The following ACTR3 variants were observed in gnomAD, a reference collection of about 807,000 sequenced individuals.
ACTR3 encodes the protein actin related protein 3.
ACTR3 carries 12 observed loss-of-function variants against 56.8 expected under a neutral mutation model. The observed-to-expected ratio is 0.21, with a 90% CI of 0.14 to 0.34. ACTR3 has a LOEUF of 0.34. Ranked by LOEUF, ACTR3 falls within the 10% of genes least tolerant of loss-of-function variation. ACTR3 has a pLI of 1.00. For synonymous variants in ACTR3, 162 were observed against 167.4 expected (o/e 0.97, Z 0.25); for missense variants, 282 against 512.5 (o/e 0.55, Z 4.34).
At position 113,959,994 on chromosome 2, in the gene ACTR3, G is replaced by T. The variant is rs535688566; in HGVS notation, c.*2539G>T. ...TAAAGGCATTATACTGGATTATCCTGCAATTTCTTTGAGTTGTTAGAATAT... is the reference window on the plus strand; with the variant it reads ...TAAAGGCATTATACTGGATTATCCTTCAATTTCTTTGAGTTGTTAGAATAT... On this transcript the variant is annotated 3_prime_UTR_variant, in exon 12 of 12. Coordinates refer to ENST00000263238, the MANE Select transcript of ACTR3 (RefSeq NM_005721.5). 6.6e-6 allele frequency: 1 copy of T among 151,944 alleles called. No individual in the cohort carries two copies. Among genetic ancestry groups the T allele is most frequent in the Non-Finnish European group, 1.5e-5 (1 of 67,906 alleles). The allele number at this position is 151,944 out of a possible 1,614,324, so 9.4% of individuals were successfully genotyped here.
At chr2:113,920,858 A>G (rs562787353) in intron 3 of ACTR3, among the ~76,000 whole-genome samples, 1 of 152,280 alleles carries the variant, frequency 6.6e-6, no homozygotes, top group East Asian at 1.9e-4. Flanking sequence ...GTGCATATAT[A>G]CTACACATAT....
intron 1 of ACTR3, among the ~76,000 whole-genome samples, chr2:113,912,593 C>T (rs1679327905): frequency 6.6e-6 from 1 of 152,066 alleles, no homozygotes; most frequent in South Asian, 2.1e-4. Flanking sequence ...CCCCAGTTCC[C>T]TTTTTTGGAG....
chr2:113,934,605 A>C, intron 6 of ACTR3: 1 of 330,150 alleles, frequency 3.0e-6, no homozygotes, highest in East Asian at 5.8e-5. Flanking sequence ...AGAAAATTAC[A>C]AATTGCAATA....
chr2:113,894,896 A>G (rs1678976598), intron 1 of ACTR3, among the ~76,000 whole-genome samples: 1 of 151,454 alleles, frequency 6.6e-6, no homozygotes. Context: ...CACTCCGGGG[A>G]CTCCTGACTG....
chr2:113,957,376 T>C lies in ACTR3; in HGVS notation c.1178T>C (p.Val393Ala). 6.2e-7 allele frequency: 1 copy of C among 1,613,356 alleles called. No homozygotes were observed. Among genetic ancestry groups the C allele is most frequent in the Non-Finnish European group, 8.5e-7 (1 of 1,179,520 alleles). Residue 393 changes from valine (V) to alanine (A), a missense_variant, in exon 12 of 12, where the codon GTA (valine) becomes GCA (alanine). Coordinates refer to ENST00000263238, the MANE Select transcript of ACTR3 (RefSeq NM_005721.5). ...TGTTTTCAGCCTGAGTTCTACCAAG[T>C]ATGCCACACCAAAAAGGATTATGAA... ...MLASTPEFYQ[V>A]CHTKKDYEEI...
intron 4 of ACTR3, among the ~76,000 whole-genome samples, chr2:113,929,378 T>C (rs1679678116): frequency 6.6e-6 from 1 of 152,006 alleles, no homozygotes; most frequent in African/African-American, 2.4e-5. Flanking sequence ...GGGCTCCAAG[T>C]GATCCTCCCG....
chr2:113,908,695 T>A (rs1319728748), intron 1 of ACTR3, among the ~76,000 whole-genome samples: 12 of 152,130 alleles, frequency 7.9e-5, no homozygotes, highest in Non-Finnish European at 1.8e-4. Flanking sequence ...TTGTTTTTTT[T>A]AATTTTCAAA....
chr2:113,899,020 A>G (rs1679055365), intron 1 of ACTR3, among the ~76,000 whole-genome samples: 1 of 152,190 alleles, frequency 6.6e-6, no homozygotes, highest in Admixed American at 6.5e-5. Context: ...TCCAGTTTTT[A>G]AGAGTGTCCA....
chr2:113,914,657 C>T (rs1475585397), intron 2 of ACTR3, among the ~76,000 whole-genome samples: 8 of 149,824 alleles, frequency 5.3e-5, no homozygotes, highest in Admixed American at 5.3e-4. Flanking sequence ...AAGAAATACA[C>T]TTTCAAAATT....
intron 2 of ACTR3, among the ~76,000 whole-genome samples, chr2:113,916,409 A>G (rs1190713582): frequency 6.6e-6 from 1 of 152,198 alleles, no homozygotes; most frequent in Non-Finnish European, 1.5e-5. Flanking sequence ...ACTAGACCAC[A>G]ATAGTAATTA....
At chr2:113,946,331 A>G (rs1680019753) in intron 8 of ACTR3, among the ~76,000 whole-genome samples, 1 of 151,832 alleles carries the variant, frequency 6.6e-6, no homozygotes, top group Non-Finnish European at 1.5e-5. Context: ...TTTTTTAAAA[A>G]TATTTTCTCT....
intron 8 of ACTR3, among the ~76,000 whole-genome samples, chr2:113,945,402 A>G (rs1364998588): frequency 2.0e-5 from 3 of 152,122 alleles, no homozygotes; most frequent in African/African-American, 2.4e-5. Flanking sequence ...GTTTCTTGAT[A>G]TGTCACTGTT....
intron 6 of ACTR3, among the ~76,000 whole-genome samples, chr2:113,937,048 A>C (rs1469663524): frequency 6.6e-6 from 1 of 152,202 alleles, no homozygotes; most frequent in Non-Finnish European, 1.5e-5. Context: ...GGACTTCAGC[A>C]TGGGAATTTG....
chr2:113,943,254 C>CA (rs1484584445), intron 8 of ACTR3, among the ~76,000 whole-genome samples: 3 of 152,090 alleles, frequency 2.0e-5, no homozygotes, highest in Non-Finnish European at 4.4e-5. Context: ...GGGTGTTTGT[C>CA]AGTCATGTGT....
chr2:113,897,265 G>C (rs562676992), intron 1 of ACTR3, among the ~76,000 whole-genome samples: 5 of 152,002 alleles, frequency 3.3e-5, no homozygotes, highest in Non-Finnish European at 5.9e-5. Flanking sequence ...ATATTAGTTT[G>C]TGTGCTGATT....
At chr2:113,893,873 A>G (rs1236482583) in intron 1 of ACTR3, among the ~76,000 whole-genome samples, 1 of 152,174 alleles carries the variant, frequency 6.6e-6, no homozygotes, top group African/African-American at 2.4e-5. Flanking sequence ...ACTGACTTCA[A>G]CTTCTTAGCA....
intron 7 of ACTR3, among the ~76,000 whole-genome samples, chr2:113,941,621 A>G (rs914436399): frequency 3.9e-5 from 6 of 152,300 alleles, no homozygotes; most frequent in Non-Finnish European, 7.4e-5. Flanking sequence ...GTTATAATCT[A>G]TAATATATTT....
intron 8 of ACTR3, among the ~76,000 whole-genome samples, chr2:113,948,331 G>A (rs543453822): frequency 2.8e-4 from 42 of 152,024 alleles, no homozygotes; most frequent in African/African-American, 8.2e-4. Flanking sequence ...TGTATTTTTC[G>A]TAGAAACAGG....
chr2:113,951,350 T>C, intron 8 of ACTR3, 129 bp from the exon 9 acceptor site: 1 of 551,256 alleles, frequency 1.8e-6, no homozygotes, highest in East Asian at 2.9e-5. Context: ...AATCTGAATC[T>C]GTTAGAGACC....
Sources: allele counts gnomAD v4.1 joint callset (sites outside exome capture counted in the v4.1 genomes callset), GRCh38; gene constraint gnomAD v4.1.1; transcripts MANE v1.5; gene names NCBI Gene and HGNC (gene_info 2026-07-23, HGNC 2026-07-21).